The following SOX6 variants were observed in gnomAD, a reference collection of about 807,000 sequenced individuals.
The protein encoded by SOX6 is SRY-box transcription factor 6.
A neutral mutation model predicts 97.8 loss-of-function variants in SOX6; 11 were observed. The ratio of observed to expected loss-of-function variants is 0.11; its 90% confidence interval spans 0.07 to 0.19. The LOEUF is 0.19. SOX6 is among the 10% of genes least tolerant of loss of function. The pLI is 1.00. For missense variants in SOX6, 810 were observed against 1,039.5 expected, an observed-to-expected ratio of 0.78 and a Z score of 3.04; for synonymous variants, 360 against 371.4, an observed-to-expected ratio of 0.97 and a Z score of 0.35.
intron 3 of SOX6, among the ~76,000 whole-genome samples, chr11:16,650,869 G>C (rs1847638765): frequency 6.6e-6 from 1 of 151,700 alleles, no homozygotes; most frequent in South Asian, 2.1e-4. Context: ...AAAATTGATA[G>C]ACCATTAGCA....
At chr11:16,092,322 C>G (rs1271679299) in intron 9 of SOX6, among the ~76,000 whole-genome samples, 1 of 151,772 alleles carries the variant, frequency 6.6e-6, no homozygotes, top group East Asian at 1.9e-4. Context: ...TTATTTGATG[C>G]TAAGAAAAAG....
intron 2 of SOX6, among the ~76,000 whole-genome samples, chr11:16,322,105 T>C (rs1855945121): frequency 6.6e-6 from 1 of 152,114 alleles, no homozygotes. Context: ...CCAGATTATT[T>C]TGTAATTTCT....
At chr11:16,703,143 A>G (rs1184669382) in intron 3 of SOX6, among the ~76,000 whole-genome samples, 1 of 151,870 alleles carries the variant, frequency 6.6e-6, no homozygotes, top group Non-Finnish European at 1.5e-5. Flanking sequence ...AGCATGGTTT[A>G]CTACATGATC....
intron 4 of SOX6, among the ~76,000 whole-genome samples, chr11:16,579,024 G>A (rs1389459306): frequency 2.0e-5 from 3 of 152,026 alleles, no homozygotes; most frequent in Admixed American, 1.3e-4. Context: ...GTTTGTCTGA[G>A]CTGTGATTCT....
intron 11 of SOX6, among the ~76,000 whole-genome samples, chr11:16,048,299 T>G (rs1276374170): frequency 6.6e-6 from 1 of 152,222 alleles, no homozygotes; most frequent in African/African-American, 2.4e-5. Context: ...TAACTTGGCA[T>G]GAAAACTTTC....
At chr11:16,652,342 C>G (rs1197846661) in intron 3 of SOX6, among the ~76,000 whole-genome samples, 2 of 152,134 alleles carry the variant, frequency 1.3e-5, no homozygotes, top group East Asian at 3.8e-4. Flanking sequence ...GGAAGTATCA[C>G]TTTAACTGAC....
At chr11:16,678,668 C>T (rs1847902927) in intron 3 of SOX6, among the ~76,000 whole-genome samples, 1 of 152,202 alleles carries the variant, frequency 6.6e-6, no homozygotes, top group Non-Finnish European at 1.5e-5. Context: ...CTAGGAAGTG[C>T]AAGGGGTCAG....
intron 3 of SOX6, among the ~76,000 whole-genome samples, chr11:16,308,178 C>A (rs1699048276): frequency 6.6e-6 from 1 of 152,036 alleles, no homozygotes; most frequent in Non-Finnish European, 1.5e-5. Context: ...TGTAAAAATT[C>A]TAACATCAGA....
chr11:16,082,485 G>C (rs1465587351), intron 9 of SOX6, among the ~76,000 whole-genome samples: 1 of 152,296 alleles, frequency 6.6e-6, no homozygotes, highest in East Asian at 1.9e-4. Flanking sequence ...GAAGCAATGT[G>C]CTAAATATGA....
chr11:16,579,420 G>A (rs1289140022), intron 4 of SOX6, among the ~76,000 whole-genome samples: 1 of 151,594 alleles, frequency 6.6e-6, no homozygotes, highest in Non-Finnish European at 1.5e-5. Flanking sequence ...TACCCCAGAA[G>A]GTTCTCACAT....
At chr11:16,729,222 C>G (rs1448639453) in intron 2 of SOX6, among the ~76,000 whole-genome samples, 1 of 152,140 alleles carries the variant, frequency 6.6e-6, no homozygotes, top group Non-Finnish European at 1.5e-5. Flanking sequence ...TCGGGAAATA[C>G]AGAGAACACC....
At chr11:16,652,083 C>A (rs1847661595) in intron 3 of SOX6, among the ~76,000 whole-genome samples, 1 of 152,030 alleles carries the variant, frequency 6.6e-6, no homozygotes, top group Admixed American at 6.6e-5. Flanking sequence ...TACAAGAAAA[C>A]TACAAAACAC....
At chr11:16,235,481 GC>G (rs1362823736) in intron 3 of SOX6, among the ~76,000 whole-genome samples, 1 of 151,944 alleles carries the variant, frequency 6.6e-6, no homozygotes, top group African/African-American at 2.4e-5. Flanking sequence ...TGGTGCTACT[GC>G]TTACCACTAT....
At chr11:16,582,166 A>G (rs1487347998) in intron 4 of SOX6, among the ~76,000 whole-genome samples, 1 of 152,074 alleles carries the variant, frequency 6.6e-6, no homozygotes, top group African/African-American at 2.4e-5. Flanking sequence ...CCTGGGGAGG[A>G]AGTAAGGGGG....
At chr11:16,281,046 G>T (rs1854545261) in intron 3 of SOX6, among the ~76,000 whole-genome samples, 1 of 152,038 alleles carries the variant, frequency 6.6e-6, no homozygotes, top group South Asian at 2.1e-4. Context: ...AACAAAGTAG[G>T]ACAGTAGAAA....
At chr11:16,656,061 C>T (rs181763616) in intron 3 of SOX6, among the ~76,000 whole-genome samples, 2 of 152,058 alleles carry the variant, frequency 1.3e-5, no homozygotes, top group Admixed American at 1.3e-4. Flanking sequence ...ATATTACTCA[C>T]CTGTGACACA....
At chr11:16,180,439 C>T (rs1468715965) in intron 6 of SOX6, among the ~76,000 whole-genome samples, 1 of 151,638 alleles carries the variant, frequency 6.6e-6, no homozygotes, top group Non-Finnish European at 1.5e-5. Context: ...ATTAGTTTTG[C>T]TTTCCATAGA....
At chr11:16,316,344 T>C (rs1855758051) in intron 3 of SOX6, 1 of 151,544 alleles carries the variant, frequency 6.6e-6, no homozygotes, top group Non-Finnish European at 1.5e-5. Context: ...GATGAGCATG[T>C]TTTTGGTCAT....
chr11:16,475,346 C>T (rs745660209), intron 1 of SOX6, among the ~76,000 whole-genome samples: 8 of 152,162 alleles, frequency 5.3e-5, no homozygotes, highest in Non-Finnish European at 1.2e-4. Context: ...TTTCAACATG[C>T]CTTTCTCACA....
Sources: allele counts gnomAD v4.1 joint callset (sites outside exome capture counted in the v4.1 genomes callset), GRCh38; gene constraint gnomAD v4.1.1; transcripts MANE v1.5; gene names NCBI Gene and HGNC (gene_info 2026-07-23, HGNC 2026-07-21).